TEX14: variants seen among roughly 807,000 people sequenced by gnomAD.
The protein encoded by TEX14 is inactive serine/threonine-protein kinase TEX14.
Under a neutral mutation model 178.6 loss-of-function variants are expected in TEX14, and 168 were observed. The observed-to-expected ratio is 0.94, with a 90% CI of 0.83 to 1.07. TEX14 has a LOEUF of 1.07. Ranked by LOEUF, TEX14 falls within the 50% of genes least tolerant of loss-of-function variation. TEX14 has a pLI of 0.00. For missense variants in TEX14, 1,730 were observed against 1,753.6 expected (o/e 0.99, Z 0.24); for synonymous variants, 626 against 634.1 (o/e 0.99, Z 0.19).
chr17:58,559,240 T>G (rs2044221348), intron 30 of TEX14, among the ~76,000 whole-genome samples: 1 of 152,146 alleles, frequency 6.6e-6, no homozygotes, highest in South Asian at 2.1e-4. Context: ...GGGCAAAAGC[T>G]TGCTTTGGAA....
chr17:58,656,925 CAAAAAAAAA>C (rs60626361), intron 1 of TEX14, among the ~76,000 whole-genome samples: 2 of 79,538 alleles, frequency 2.5e-5, no homozygotes, highest in African/African-American at 5.5e-5. Flanking sequence ...TCCCATCTCA[CAAAAAAAAA>C]AAAAAAAAAA....
Position 58,556,803 on chromosome 17 carries a change from T to C in TEX14, c.*208A>G, listed in dbSNP as rs1189245249. On this transcript the variant is annotated 3_prime_UTR_variant, in exon 32 of 32. Transcript: ENST00000349033. ...TTTACTATCAAAACTACCTCTCACT[T>C]TTCAGAAATCTGACTGAAAACAAAT... The C allele has an allele frequency of 6.2e-6, 3 of 484,372 alleles. No individual in the cohort carries two copies. Among genetic ancestry groups the C allele is most frequent in the Non-Finnish European group, 7.4e-6 (2 of 271,898 alleles). 30.0% of individuals were successfully genotyped at this position (484,372 alleles called of 1,614,324 possible). A position where few individuals can be genotyped will look rare whatever the true frequency, so the allele number is the denominator to read the frequency against.
chr17:58,624,416 C>T (rs979238947), intron 3 of TEX14, among the ~76,000 whole-genome samples: 5 of 146,162 alleles, frequency 3.4e-5, no homozygotes, highest in Non-Finnish European at 7.6e-5. Flanking sequence ...TCTCGGCTCA[C>T]TGCAACCTCC....
chr17:58,631,762 T>A (rs535350577), intron 2 of TEX14: 1 of 151,796 alleles, frequency 6.6e-6, no homozygotes, highest in Admixed American at 6.6e-5. Flanking sequence ...CCTCTCGCGG[T>A]TTCCAGCGTT....
At chr17:58,671,567 A>G (rs910884029) in intron 1 of TEX14, among the ~76,000 whole-genome samples, 3 of 152,094 alleles carry the variant, frequency 2.0e-5, no homozygotes, top group Non-Finnish European at 4.4e-5. Context: ...TCAGGCCCCA[A>G]GCTTTGTCTC....
chr17:58,627,303 T>C (rs776260846), intron 3 of TEX14, among the ~76,000 whole-genome samples: 4 of 152,216 alleles, frequency 2.6e-5, no homozygotes, highest in Non-Finnish European at 5.9e-5. Flanking sequence ...CAGTTGTAAA[T>C]GCAGATGACT....
Position 58,573,183 on chromosome 17 carries a change from G to T in TEX14, c.3509C>A (p.Pro1170Gln). Residue 1170 changes from proline to glutamine, a missense_variant and splice_region_variant, in exon 23 of 32, where the codon CCA (proline) becomes CAA (glutamine). This residue lies in a region of TEX14 where 941 missense variants were observed against 1,072.4 expected (regional missense o/e 0.88). Transcript: ENST00000349033. ...ACACTTCTCTTCCCTGTGATTACCT[G>T]GGCTGAGTGGAGTGCTGACACTGGT... ...APTSVSTPLS[P>Q]GSVSSAASQY... The T allele has an allele frequency of 1.2e-6, 2 of 1,613,938 alleles. No individual in the cohort carries two copies. The highest frequency in any genetic ancestry group is 1.1e-5 in the South Asian group (1 of 91,052).
chr17:58,651,725 T>G, intron 2 of TEX14, 141 bp downstream of exon 2: 1 of 795,284 alleles, frequency 1.3e-6, no homozygotes, highest in South Asian at 2.4e-5. Flanking sequence ...TTGACTGCAC[T>G]GCTAGAGAAC....
intron 1 of TEX14, chr17:58,661,328 G>A (rs752972209): frequency 1.8e-5 from 16 of 876,870 alleles, no homozygotes; most frequent in Non-Finnish European, 3.2e-5. Flanking sequence ...TTGTTTCATG[G>A]TGAGGGCTCC....
At chr17:58,679,368 C>T (rs1394809767) in intron 1 of TEX14, among the ~76,000 whole-genome samples, 1 of 152,090 alleles carries the variant, frequency 6.6e-6, no homozygotes, top group East Asian at 1.9e-4. Context: ...ATGACAACAC[C>T]AACCACGAGG....
chr17:58,609,478 GGT>G (rs2045695429), intron 10 of TEX14, among the ~76,000 whole-genome samples: 1 of 152,150 alleles, frequency 6.6e-6, no homozygotes, highest in Non-Finnish European at 1.5e-5. Context: ...CCCAACCTCA[GGT>G]GATCCGCATG....
intron 18 of TEX14, among the ~76,000 whole-genome samples, 181 bp downstream of exon 18, chr17:58,585,610 GTTTTTTTTTT>G (rs879707841): frequency 2.4e-5 from 2 of 83,056 alleles, no homozygotes; most frequent in Non-Finnish European, 4.8e-5. Flanking sequence ...CCCAGCTAAT[GTTTTTTTTTT>G]TTTTTTTTTT....
chr17:58,663,589 C>T (rs1365656548), intron 1 of TEX14, among the ~76,000 whole-genome samples: 1 of 151,890 alleles, frequency 6.6e-6, no homozygotes, highest in Non-Finnish European at 1.5e-5. Flanking sequence ...GCCTCAGCTT[C>T]CTGAGTAACT....
chr17:58,635,701 A>G (rs1490056276), intron 2 of TEX14, among the ~76,000 whole-genome samples: 8 of 151,776 alleles, frequency 5.3e-5, no homozygotes, highest in Non-Finnish European at 8.8e-5. Context: ...AAGTGCTGGG[A>G]TTACAGGCAT....
rs1051119813 is a variant in TEX14 at position 58,569,099 on chromosome 17, C to T, written c.3886+93G>A. The T allele has an allele frequency of 1.9e-6, 2 of 1,077,756 alleles. No individual in the cohort carries two copies. The highest frequency in any genetic ancestry group is 1.4e-6 in the Non-Finnish European group (1 of 732,830). 66.8% of individuals were successfully genotyped at this position (1,077,756 alleles called of 1,614,324 possible). On this transcript the variant is annotated intron_variant, in intron 26 of 31. Transcript: ENST00000349033. This position sits in a 1 kb window ranked among gnomAD's most constrained non-coding sequence, Gnocchi z 4.1. ...CCAGGCCATCATACAGCCTTTTATA[C>T]TAGTGTTCACACTTGAGACAAAGAC...
At position 58,590,193 on chromosome 17, in the gene TEX14, G is replaced by A. The variant is rs548973194; in HGVS notation, c.2577-2172C>T. Among the ~76,000 whole-genome samples the A allele has an allele frequency of 2.7e-4, 40 of 150,554 alleles. No homozygotes were observed. In the South Asian group the frequency reaches 6.8e-3, roughly 26 times the overall value. On this transcript the variant is annotated intron_variant, in intron 15 of 31. Coordinates refer to ENST00000349033, the MANE Select transcript of TEX14 (RefSeq NM_031272.5). ...GGAGAATCGCTTGAACCCAGGAGGC[G>A]GAGGTTGCAGTGAGCCGAGTTTGCG...
At chr17:58,663,237 A>C (rs2047148911) in intron 1 of TEX14, among the ~76,000 whole-genome samples, 1 of 151,968 alleles carries the variant, frequency 6.6e-6, no homozygotes, top group Non-Finnish European at 1.5e-5. Flanking sequence ...ATCCTGACTA[A>C]CATGGAGAAA....
chr17:58,574,154 A>G, intron 22 of TEX14, 33 bp downstream of exon 22: 1 of 1,563,812 alleles, frequency 6.4e-7, no homozygotes, highest in Non-Finnish European at 8.8e-7. Flanking sequence ...ACTTTACACA[A>G]GCATCCCTAG....
intron 22 of TEX14, 62 bp downstream of exon 22, chr17:58,574,125 C>G: frequency 7.8e-7 from 1 of 1,290,038 alleles, no homozygotes; most frequent in Non-Finnish European, 1.1e-6. Flanking sequence ...CAAGAATATA[C>G]TATTCCCTTA....
Sources: gnomAD v4.1 joint callset for allele counts (sites outside exome capture counted in the v4.1 genomes callset) on GRCh38, gnomAD v4.1.1 for gene constraint, gnomAD v4.1.1 regional missense constraint, Gnocchi (gnomAD v3.1) non-coding constraint, MANE v1.5 for transcripts, NCBI Gene and HGNC (gene_info 2026-07-23, HGNC 2026-07-21) for gene names.